ERP44: variants seen among roughly 807,000 people sequenced by gnomAD.
ERP44 encodes endoplasmic reticulum protein 44, also known as endoplasmic reticulum resident protein 44.
Under a neutral mutation model 53.4 loss-of-function variants are expected in ERP44, and 25 were observed. That is an observed-to-expected ratio of 0.47 (90% CI 0.34 to 0.65). The LOEUF (loss-of-function observed/expected upper bound fraction) is 0.65, where lower values mean the gene tolerates loss of function less well. Ranked by LOEUF, ERP44 falls within the 30% of genes least tolerant of loss-of-function variation. The pLI, the probability that ERP44 is intolerant of heterozygous loss-of-function variation, is 0.01. For missense variants in ERP44, 338 were observed against 493.2 expected (o/e 0.69, Z 2.98); for synonymous variants, 145 against 161.2 (o/e 0.90, Z 0.76).
At chr9:99,999,331 C>T (rs1046541508) in intron 10 of ERP44, among the ~76,000 whole-genome samples, 3 of 152,112 alleles carry the variant, frequency 2.0e-5, no homozygotes, top group Non-Finnish European at 4.4e-5. Flanking sequence ...GATTTAAGTT[C>T]ATTGTCGATT....
intron 4 of ERP44, among the ~76,000 whole-genome samples, chr9:100,027,880 T>C (rs1484271829): frequency 6.6e-6 from 1 of 151,858 alleles, no homozygotes; most frequent in Non-Finnish European, 1.5e-5. Context: ...TTCTTCCCAT[T>C]CCCAAACTGC....
intron 8 of ERP44, among the ~76,000 whole-genome samples, chr9:100,011,750 G>T (rs952964283): frequency 1.1e-4 from 16 of 152,030 alleles, no homozygotes; most frequent in African/African-American, 3.4e-4. Flanking sequence ...TGAGAAGCAG[G>T]TTCAAAAATA....
intron 1 of ERP44, among the ~76,000 whole-genome samples, chr9:100,092,694 T>A (rs1177525681): frequency 6.6e-6 from 1 of 152,144 alleles, no homozygotes; most frequent in East Asian, 1.9e-4. Context: ...AGAAGACACA[T>A]AACAAGAACC....
chr9:99,989,062 C>T (rs1157735832), intron 10 of ERP44, among the ~76,000 whole-genome samples: 1 of 152,226 alleles, frequency 6.6e-6, no homozygotes, highest in Non-Finnish European at 1.5e-5. Context: ...CCCACCGCAG[C>T]TCAACAAGGC....
At chr9:100,070,862 T>G (rs1042531452) in intron 1 of ERP44, among the ~76,000 whole-genome samples, 1 of 152,080 alleles carries the variant, frequency 6.6e-6, no homozygotes, top group Non-Finnish European at 1.5e-5. Context: ...CCCCCAGAAG[T>G]AGACTCTGAG....
chr9:99,992,707 G>T (rs1397985219), intron 10 of ERP44, among the ~76,000 whole-genome samples: 1 of 152,130 alleles, frequency 6.6e-6, no homozygotes, highest in East Asian at 1.9e-4. Context: ...TATTCAATTA[G>T]GAAAAGAGGA....
intron 10 of ERP44, among the ~76,000 whole-genome samples, chr9:99,989,855 G>A (rs1830234908): frequency 1.3e-5 from 2 of 152,168 alleles, no homozygotes; most frequent in African/African-American, 4.8e-5. Context: ...GAAAACCATG[G>A]CACGAGAACT....
At chr9:100,032,260 C>T (rs1248257795) in intron 4 of ERP44, among the ~76,000 whole-genome samples, 1 of 152,106 alleles carries the variant, frequency 6.6e-6, no homozygotes, top group Non-Finnish European at 1.5e-5. Context: ...CACCCTGAAG[C>T]CAGTAATCCA....
chr9:99,996,897 G>GTA (rs1288551939), intron 10 of ERP44, among the ~76,000 whole-genome samples: 1 of 18,864 alleles, frequency 5.3e-5, no homozygotes, highest in African/African-American at 6.1e-4. Context: ...TCGTGTATGT[G>GTA]TATATATATA....
At chr9:100,098,131 T>C (rs1255703551) in intron 1 of ERP44, among the ~76,000 whole-genome samples, 1 of 152,152 alleles carries the variant, frequency 6.6e-6, no homozygotes. Flanking sequence ...TAGGAATGAA[T>C]GCATATTCAA....
At chr9:100,030,182 C>G (rs1820027203) in intron 4 of ERP44, among the ~76,000 whole-genome samples, 1 of 152,230 alleles carries the variant, frequency 6.6e-6, no homozygotes, top group African/African-American at 2.4e-5. Flanking sequence ...TATTCCCTTA[C>G]TTTCCTAATA....
At chr9:100,016,009 T>C (rs142541758) in intron 8 of ERP44, among the ~76,000 whole-genome samples, 31 of 152,244 alleles carry the variant, frequency 2.0e-4, no homozygotes, top group African/African-American at 7.2e-4. Context: ...GGGACCCTTG[T>C]TCTAAAGGAC....
At chr9:100,021,929 G>T in intron 5 of ERP44, 113 bp downstream of exon 5, 1 of 930,488 alleles carries the variant, frequency 1.1e-6, no homozygotes, top group Non-Finnish European at 1.7e-6. Context: ...GTATACGTAT[G>T]TCAAATCCAC....
chr9:99,989,967 G>GA (rs1830236141), intron 10 of ERP44, among the ~76,000 whole-genome samples: 2 of 152,118 alleles, frequency 1.3e-5, no homozygotes, highest in African/African-American at 4.8e-5. Context: ...GAAGGTTAGA[G>GA]AAAAAAGAGT....
At chr9:100,067,934 G>A (rs1303088536) in intron 1 of ERP44, among the ~76,000 whole-genome samples, 1 of 151,550 alleles carries the variant, frequency 6.6e-6, no homozygotes, top group Admixed American at 6.6e-5. Context: ...CCCCGTCTGG[G>A]AAGTGAGGAG....
At chr9:99,988,516 T>C (rs557005472) in intron 10 of ERP44, among the ~76,000 whole-genome samples, 29 of 152,332 alleles carry the variant, frequency 1.9e-4, no homozygotes, top group African/African-American at 6.7e-4. Context: ...CTTTCTCCAC[T>C]GAATTGCCTT....
chr9:100,071,929 A>C (rs748277713), intron 1 of ERP44, among the ~76,000 whole-genome samples: 7 of 152,172 alleles, frequency 4.6e-5, no homozygotes, highest in Non-Finnish European at 1.0e-4. Context: ...CTCCAGAAAA[A>C]AAATAAACCT....
intron 4 of ERP44, among the ~76,000 whole-genome samples, chr9:100,025,747 A>T (rs557198596): frequency 1.3e-5 from 2 of 152,288 alleles, no homozygotes; most frequent in Non-Finnish European, 2.9e-5. Context: ...GCCTGCTATC[A>T]CTTCTATATA....
intron 7 of ERP44, among the ~76,000 whole-genome samples, chr9:100,017,886 G>C (rs966867231): frequency 1.5e-4 from 23 of 152,116 alleles, no homozygotes; most frequent in Non-Finnish European, 2.9e-4. Context: ...TTGGGAGTTT[G>C]GCTAGTACAA....
Sources: allele counts gnomAD v4.1 joint callset (sites outside exome capture counted in the v4.1 genomes callset), GRCh38; gene constraint gnomAD v4.1.1; transcripts MANE v1.5; gene names NCBI Gene and HGNC (gene_info 2026-07-23, HGNC 2026-07-21).